Variants in TGFBRAP1 observed in about 807,000 individuals in gnomAD.
The protein encoded by TGFBRAP1 is transforming growth factor-beta receptor-associated protein 1.
Under a neutral mutation model 83.2 loss-of-function variants are expected in TGFBRAP1, and 20 were observed. The ratio of observed to expected loss-of-function variants is 0.24; its 90% CI spans 0.17 to 0.35. The LOEUF (loss-of-function observed/expected upper bound fraction) is 0.35. Among genes scored for constraint, TGFBRAP1 ranks in the 10% least tolerant of loss-of-function variants. The probability of loss-of-function intolerance (pLI) is 1.00; values close to 1 mark genes in which losing one functional copy is unlikely to be tolerated. For missense variants in TGFBRAP1, 950 were observed against 1,099.4 expected (o/e 0.86, Z 1.92); for synonymous variants, 415 against 459.8 (o/e 0.90, Z 1.25).
At chr2:105,288,283 A>C (rs1442232362) in intron 4 of TGFBRAP1, among the ~76,000 whole-genome samples, 1 of 152,202 alleles carries the variant, frequency 6.6e-6, no homozygotes, top group African/African-American at 2.4e-5. Context: ...CAGACCCCTG[A>C]GCCAGTGCAC....
the TGFBRAP1 span, among the ~76,000 whole-genome samples, chr2:105,258,456 G>A: frequency 6.6e-6 from 1 of 152,052 alleles, no homozygotes; most frequent in African/African-American, 2.4e-5. Context: ...GAAGGCAGAG[G>A]AAGGAGGAAT....
At chr2:105,303,956 A>C (rs559893235) in intron 2 of TGFBRAP1, among the ~76,000 whole-genome samples, 1 of 152,354 alleles carries the variant, frequency 6.6e-6, no homozygotes, top group African/African-American at 2.4e-5. Flanking sequence ...CAGAAAACTG[A>C]AGATTAAAAC....
At chr2:105,271,223 G>C (rs1677144306) in intron 10 of TGFBRAP1, among the ~76,000 whole-genome samples, 1 of 152,182 alleles carries the variant, frequency 6.6e-6, no homozygotes, top group Non-Finnish European at 1.5e-5. Flanking sequence ...CTGAGGACCA[G>C]GACCAAGTCT....
In TGFBRAP1 at chr2:105,269,794, A is replaced by C; in HGVS notation, c.1973-89T>G. On this transcript the variant is annotated intron_variant, in intron 10 of 11. Transcript: ENST00000393359. This position sits in a 1 kb window ranked among gnomAD's most constrained non-coding sequence, Gnocchi z 4.1. ...CCTCCTTGCTGCTCTGGGCTTCAGGAGGGGAAAAGTCAACCTGGCTCCCTC... is the reference window on the plus strand; with the variant it reads ...CCTCCTTGCTGCTCTGGGCTTCAGGCGGGGAAAAGTCAACCTGGCTCCCTC... The C allele has an allele frequency of 7.3e-7, 1 of 1,378,904 alleles. No individual in the cohort carries two copies. Among genetic ancestry groups the C allele is most frequent in the Non-Finnish European group, 9.5e-7 (1 of 1,055,624 alleles). The allele number at this position is 1,378,904 out of a possible 1,614,324, so 85.4% of individuals were successfully genotyped here. A position where few individuals can be genotyped will look rare whatever the true frequency, so the allele number is the denominator to read the frequency against.
At chr2:105,286,706 C>A (rs1181642728) in intron 4 of TGFBRAP1, among the ~76,000 whole-genome samples, 1 of 152,194 alleles carries the variant, frequency 6.6e-6, no homozygotes, top group Non-Finnish European at 1.5e-5. Context: ...ACCTGGCTTC[C>A]GGCAGGCTTA....
At position 105,269,272 on chromosome 2, in the gene TGFBRAP1, C is replaced by T. The variant is rs946523013; in HGVS notation, c.2406G>A (p.Lys802=). The T allele has an allele frequency of 2.5e-6, 4 of 1,594,932 alleles. No individual in the cohort carries two copies. Among genetic ancestry groups the T allele is most frequent in the Non-Finnish European group, 3.4e-6 (4 of 1,165,612 alleles). ...GCAGCTCGTGGGGGCCAGCACTTAC[C>T]TTATCGTAGGTGTAGATTAAGTTTT... is the stretch of plus-strand genomic sequence containing the variant. ...RSENLIYTYD[K]MKLKGSSIQL... is the part of the protein sequence containing the mutation. Residue 802 remains lysine, a splice_region_variant and synonymous_variant, in exon 11 of 12, where the codon AAG becomes AAA. Transcript: ENST00000393359. The surrounding 1 kb of genome is among the most constrained non-coding windows in gnomAD (Gnocchi z 4.1).
chr2:105,271,624 T>C (rs1233002287), intron 10 of TGFBRAP1, among the ~76,000 whole-genome samples: 1 of 152,122 alleles, frequency 6.6e-6, no homozygotes, highest in Admixed American at 6.5e-5. Flanking sequence ...CACTCTTCTG[T>C]AAAAATGGAG....
At chr2:105,273,770 C>A in intron 8 of TGFBRAP1, 80 bp from the exon 9 acceptor site, 1 of 1,522,290 alleles carries the variant, frequency 6.6e-7, no homozygotes, top group Middle Eastern at 1.8e-4. Flanking sequence ...ATTGCACATT[C>A]AAGCTTTGGA....
chr2:105,303,659 A>C (rs1678382013), intron 2 of TGFBRAP1, among the ~76,000 whole-genome samples: 1 of 152,238 alleles, frequency 6.6e-6, no homozygotes, highest in Non-Finnish European at 1.5e-5. Context: ...TGATCTGGGC[A>C]GTAACTGTCA....
At chr2:105,290,583 GAGAA>G (rs1339842208) in intron 4 of TGFBRAP1, among the ~76,000 whole-genome samples, 1 of 149,766 alleles carries the variant, frequency 6.7e-6, no homozygotes, top group African/African-American at 2.4e-5. Context: ...GACAGAGAGA[GAGAA>G]AGAGAGAGAA....
intron 4 of TGFBRAP1, among the ~76,000 whole-genome samples, chr2:105,291,555 T>C (rs915503963): frequency 3.9e-5 from 6 of 152,058 alleles, no homozygotes; most frequent in African/African-American, 1.4e-4. Context: ...GTAAACAAAA[T>C]GTGGTAGGTA....
intron 10 of TGFBRAP1, among the ~76,000 whole-genome samples, chr2:105,270,437 G>T (rs1219448995): frequency 6.6e-6 from 1 of 152,110 alleles, no homozygotes; most frequent in Admixed American, 6.5e-5. Flanking sequence ...AGCCCGTCTG[G>T]AACTGCACCA....
chr2:105,327,956 T>C (rs992751160), intron 1 of TGFBRAP1, among the ~76,000 whole-genome samples: 1 of 152,230 alleles, frequency 6.6e-6, no homozygotes, highest in Non-Finnish European at 1.5e-5. Flanking sequence ...AATCATTTGT[T>C]AGGTTAACAA....
chr2:105,269,855 T>C lies in TGFBRAP1; in HGVS notation c.1973-150A>G. On this transcript the variant is annotated intron_variant, in intron 10 of 11. Coordinates refer to ENST00000393359, the MANE Select transcript of TGFBRAP1 (RefSeq NM_004257.6). The surrounding 1 kb of genome is among the most constrained non-coding windows in gnomAD (Gnocchi z 4.1). ...ATGCTGCCACCCAGATGACTGAGGG[T>C]AGGTTTTCTTGCATTTTCACACTGT... 1.2e-6 allele frequency: 1 copy of C among 829,102 alleles called. No homozygotes were observed. Among genetic ancestry groups the C allele is most frequent in the Non-Finnish European group, 1.8e-6 (1 of 561,896 alleles). 51.4% of individuals were successfully genotyped at this position (829,102 alleles called of 1,614,324 possible).
intron 6 of TGFBRAP1, among the ~76,000 whole-genome samples, chr2:105,278,819 C>G (rs189473040): frequency 1.4e-4 from 22 of 152,170 alleles, no homozygotes; most frequent in Non-Finnish European, 2.8e-4. Context: ...CATGCTGACT[C>G]TACGGATCCC....
At chr2:105,296,901 C>T (rs1450069647) in intron 3 of TGFBRAP1, among the ~76,000 whole-genome samples, 1 of 150,632 alleles carries the variant, frequency 6.6e-6, no homozygotes, top group Non-Finnish European at 1.5e-5. Flanking sequence ...ATTTTTAAAA[C>T]ATTCTTTTCC....
chr2:105,268,404 C>T (rs1677022521), intron 11 of TGFBRAP1, among the ~76,000 whole-genome samples: 1 of 152,116 alleles, frequency 6.6e-6, no homozygotes, highest in African/African-American at 2.4e-5. Flanking sequence ...GGTGATTACT[C>T]TACTTAAGAG....
the TGFBRAP1 span, among the ~76,000 whole-genome samples, chr2:105,259,099 C>G: frequency 6.6e-6 from 1 of 152,172 alleles, no homozygotes; most frequent in African/African-American, 2.4e-5. Flanking sequence ...GCCAACCTTC[C>G]CTCTGTAATT....
chr2:105,258,776 GTC>G, the TGFBRAP1 span, among the ~76,000 whole-genome samples: 1 of 121,534 alleles, frequency 8.2e-6, no homozygotes, highest in African/African-American at 3.4e-5. Context: ...CACACACACT[GTC>G]TCTCTCTCTC....
Sources: gnomAD v4.1 joint callset for allele counts (sites outside exome capture counted in the v4.1 genomes callset) on GRCh38, gnomAD v4.1.1 for gene constraint, Gnocchi (gnomAD v3.1) non-coding constraint, MANE v1.5 for transcripts, NCBI Gene and HGNC (gene_info 2026-07-23, HGNC 2026-07-21) for gene names.